Variants in PGCKA1 observed in about 807,000 individuals in gnomAD.
PGCKA1 encodes the protein PDCD10 and GCKIII kinases-associated protein 1.
At chr4:37,530,592 A>G in the PGCKA1 span, among the ~76,000 whole-genome samples, 1 of 151,594 alleles carries the variant, frequency 6.6e-6, no homozygotes. Flanking sequence ...AAAAAAAAAA[A>G]AAAAAATGCT....
the PGCKA1 span, among the ~76,000 whole-genome samples, chr4:37,575,943 A>G: frequency 6.6e-6 from 1 of 152,008 alleles, no homozygotes; most frequent in Non-Finnish European, 1.5e-5. Flanking sequence ...TCTGTCTTCT[A>G]TTGGTCTATA....
the PGCKA1 span, among the ~76,000 whole-genome samples, chr4:37,459,520 A>AT: frequency 6.6e-6 from 1 of 152,246 alleles, no homozygotes; most frequent in African/African-American, 2.4e-5. Flanking sequence ...ATGTCCATGT[A>AT]TCTCAAAAAA....
At chr4:37,478,979 G>C in the PGCKA1 span, among the ~76,000 whole-genome samples, 4 of 152,134 alleles carry the variant, frequency 2.6e-5, no homozygotes, top group African/African-American at 9.7e-5. Flanking sequence ...TCTTCCTTCA[G>C]TATTGGCATT....
At chr4:37,553,504 A>C in the PGCKA1 span, among the ~76,000 whole-genome samples, 1 of 152,234 alleles carries the variant, frequency 6.6e-6, no homozygotes. Context: ...TGCTGAAATA[A>C]ACTATAATAT....
chr4:37,460,674 T>A, the PGCKA1 span: 1 of 412,814 alleles, frequency 2.4e-6, no homozygotes, highest in Non-Finnish European at 4.8e-6. Flanking sequence ...CACTTTTTGA[T>A]GGAGTTGTTT....
At chr4:37,502,523 G>A in the PGCKA1 span, among the ~76,000 whole-genome samples, 12 of 152,154 alleles carry the variant, frequency 7.9e-5, no homozygotes, top group Non-Finnish European at 1.3e-4. Flanking sequence ...TGCTGGTGGG[G>A]GTGGCAGGCC....
the PGCKA1 span, among the ~76,000 whole-genome samples, chr4:37,576,044 GT>G: frequency 6.6e-6 from 1 of 151,984 alleles, no homozygotes; most frequent in African/African-American, 2.4e-5. Context: ...CTTCCATTTT[GT>G]TTTTTTCGCT....
At chr4:37,503,467 A>G in the PGCKA1 span, among the ~76,000 whole-genome samples, 1 of 152,078 alleles carries the variant, frequency 6.6e-6, no homozygotes, top group Non-Finnish European at 1.5e-5. Flanking sequence ...CTACCCCACC[A>G]TCTGCCAGGG....
At chr4:37,512,900 C>G in the PGCKA1 span, among the ~76,000 whole-genome samples, 2 of 151,954 alleles carry the variant, frequency 1.3e-5, no homozygotes, top group Non-Finnish European at 2.9e-5. Context: ...ACCAGCCTAA[C>G]CAACATGGAA....
chr4:37,578,466 G>GAT, the PGCKA1 span, among the ~76,000 whole-genome samples: 1 of 152,006 alleles, frequency 6.6e-6, no homozygotes. Flanking sequence ...TTTCTAATAG[G>GAT]CAACAGATCA....
the PGCKA1 span, among the ~76,000 whole-genome samples, chr4:37,453,758 C>T: frequency 6.6e-6 from 1 of 152,126 alleles, no homozygotes; most frequent in Non-Finnish European, 1.5e-5. Flanking sequence ...ACTGCCACCC[C>T]GGCCCCGGGG....
the PGCKA1 span, among the ~76,000 whole-genome samples, chr4:37,483,567 C>T: frequency 1.3e-5 from 2 of 152,190 alleles, no homozygotes; most frequent in Non-Finnish European, 2.9e-5. Flanking sequence ...ATTTCTATTA[C>T]TTAGATTCGC....
chr4:37,513,282 G>C, the PGCKA1 span, among the ~76,000 whole-genome samples: 4 of 152,126 alleles, frequency 2.6e-5, no homozygotes, highest in Admixed American at 6.5e-5. Flanking sequence ...AAGAATTTAA[G>C]GAGGTTATGT....
chr4:37,566,730 A>G, the PGCKA1 span, among the ~76,000 whole-genome samples: 1 of 152,100 alleles, frequency 6.6e-6, no homozygotes, highest in East Asian at 1.9e-4. Flanking sequence ...CTACAGGTGC[A>G]CCACCACACC....
At chr4:37,512,955 G>T in the PGCKA1 span, among the ~76,000 whole-genome samples, 4 of 152,072 alleles carry the variant, frequency 2.6e-5, no homozygotes, top group South Asian at 8.3e-4. Flanking sequence ...GGGCGTAGTG[G>T]CACACGCCTG....
chr4:37,506,364 T>C, the PGCKA1 span, among the ~76,000 whole-genome samples: 2 of 152,124 alleles, frequency 1.3e-5, no homozygotes, highest in Non-Finnish European at 2.9e-5. Context: ...TATTGTTAGC[T>C]TATTTATTTG....
chr4:37,561,646 T>C, the PGCKA1 span, among the ~76,000 whole-genome samples: 3 of 152,208 alleles, frequency 2.0e-5, no homozygotes, highest in Admixed American at 2.0e-4. Context: ...TAATTTTAAG[T>C]GAGTTACTGC....
chr4:37,465,052 G>C, the PGCKA1 span, among the ~76,000 whole-genome samples: 3 of 152,178 alleles, frequency 2.0e-5, no homozygotes, highest in Non-Finnish European at 4.4e-5. Context: ...TCCATGAAGA[G>C]TTTTCAAAAT....
At chr4:37,573,878 A>G in the PGCKA1 span, among the ~76,000 whole-genome samples, 8 of 152,194 alleles carry the variant, frequency 5.3e-5, no homozygotes, top group Non-Finnish European at 1.2e-4. Flanking sequence ...CTACACTGAC[A>G]TCAAGTATAC....
Sources: gnomAD v4.1 joint callset for allele counts (sites outside exome capture counted in the v4.1 genomes callset) on GRCh38, gnomAD v4.1.1 for gene constraint, MANE v1.5 for transcripts, NCBI Gene and HGNC (gene_info 2026-07-23, HGNC 2026-07-21) for gene names.